Variants in ANGPTL1 observed in about 807,000 individuals in gnomAD.
The protein encoded by ANGPTL1 is angiopoietin-related protein 1.
A neutral mutation model predicts 46.7 loss-of-function variants in ANGPTL1; 36 were observed. The ratio of observed to expected loss-of-function variants is 0.77; its 90% CI spans 0.59 to 1.02. ANGPTL1 has a LOEUF of 1.02. ANGPTL1 is among the 50% of genes least tolerant of loss of function. The probability of loss-of-function intolerance (pLI) is 0.00; values close to 1 mark genes in which losing one functional copy is unlikely to be tolerated. For synonymous variants in ANGPTL1, 221 were observed against 204.3 expected, an observed-to-expected ratio of 1.08 and a Z score of -0.69; for missense variants, 571 against 594.7, an observed-to-expected ratio of 0.96 and a Z score of 0.41.
At position 178,868,010 on chromosome 1, in the gene ANGPTL1, CAA is replaced by C. The variant is rs539388889; in HGVS notation, c.-27+1102_-27+1103del. On this transcript the variant is annotated intron_variant, in intron 2 of 5. Coordinates refer to ENST00000234816, the MANE Select transcript of ANGPTL1 (RefSeq NM_004673.4). ...TGGAGAATTATTATTATTTTACTAA[CAA>C]GAGAGGGAATGAAAACAAAAGATAG... Among the ~76,000 whole-genome samples the C allele has an allele frequency of 1.9e-3, 295 of 152,000 alleles. 3 individuals are homozygous for C. The highest frequency in any genetic ancestry group is 4.4e-3 in the African/African-American group (184 of 41,508).
intron 3 of ANGPTL1, among the ~76,000 whole-genome samples, chr1:178,855,620 T>C (rs73039840): frequency 0.046 from 7,058 of 151,962 alleles, 561 homozygotes; most frequent in African/African-American, 0.16. Context: ...AGAGTTGCAA[T>C]TTGATTTTTT....
At chr1:178,863,640 A>C (rs960580830) in intron 3 of ANGPTL1, among the ~76,000 whole-genome samples, 7 of 152,202 alleles carry the variant, frequency 4.6e-5, no homozygotes, top group Non-Finnish European at 1.0e-4. Flanking sequence ...GCTTTGGTTA[A>C]ATCAGGAGGG....
In ANGPTL1 at chr1:178,865,773, T is replaced by G. The variant is rs755763170; in HGVS notation, c.4A>C (p.Lys2Gln). ...ACACCTAGGGTCCAGGTAAAAGTCT[T>G]CATTTTGAAATGAGGTTGTAAAATG... M[K>Q]TFTWTLGVLF... The change falls in exon 3 of 6, where the codon AAG becomes CAG. Residue 2 changes from lysine to glutamine, a missense_variant. Lys to Gln is a moderately conservative substitution (Grantham distance 53). Coordinates refer to ENST00000234816, the MANE Select transcript of ANGPTL1 (RefSeq NM_004673.4). 1.3e-6 allele frequency: 2 copies of G among 1,574,556 alleles called. No individual in the cohort carries two copies. Among genetic ancestry groups the G allele is most frequent in the Non-Finnish European group, 8.6e-7 (1 of 1,165,312 alleles).
rs1558160231 is a variant in ANGPTL1, at chr1:178,865,793, A to C, written c.-17T>G. ...AGTCTTCATTTTGAAATGAGGTTGTAAAATGATGTCTTTTGAAAAACAAAT... is the reference window on the plus strand; with the variant it reads ...AGTCTTCATTTTGAAATGAGGTTGTCAAATGATGTCTTTTGAAAAACAAAT... On this transcript the variant is annotated 5_prime_UTR_variant, in exon 3 of 6. Transcript: ENST00000234816. The C allele has an allele frequency of 1.9e-6, 3 of 1,540,130 alleles. No homozygotes were observed. The highest frequency in any genetic ancestry group is 1.7e-4 in the Middle Eastern group (1 of 5,756).
At position 178,852,732 on chromosome 1, in the gene ANGPTL1, A is replaced by G. The variant is rs775471958; in HGVS notation, c.1239T>C (p.His413=). 8.7e-6 allele frequency: 14 copies of G among 1,613,768 alleles called. No homozygotes were observed. In the African/African-American group the frequency reaches 1.7e-4, roughly 20 times the overall value. Residue 413 remains histidine, a synonymous_variant, in exon 5 of 6, where the codon CAT becomes CAC. Coordinates refer to ENST00000234816, the MANE Select transcript of ANGPTL1 (RefSeq NM_004673.4). ...QGNAGDSMMW[H]NGKQFTTLDR... ...CCAGTGTGGTGAATTGTTTACCATTATGCCACATCATAGAATCCCCTGCAT... is the reference window on the plus strand; with the variant it reads ...CCAGTGTGGTGAATTGTTTACCATTGTGCCACATCATAGAATCCCCTGCAT...
At chr1:178,863,387 C>CATATAT (rs3835496) in intron 3 of ANGPTL1, among the ~76,000 whole-genome samples, 1 of 151,854 alleles carries the variant, frequency 6.6e-6, no homozygotes, top group African/African-American at 2.4e-5. Flanking sequence ...AGGAGACAGA[C>CATATAT]ATAAATAAAT....
intron 1 of ANGPTL1, among the ~76,000 whole-genome samples, chr1:178,870,518 A>G (rs1276088669): frequency 6.6e-6 from 1 of 152,208 alleles, no homozygotes; most frequent in Non-Finnish European, 1.5e-5. Flanking sequence ...AATCATATAC[A>G]CTAAACATCA....
Position 178,851,217 on chromosome 1 carries a change from T to C in ANGPTL1, c.1388A>G (p.Lys463Arg). The C allele has an allele frequency of 5.0e-6, 8 of 1,614,058 alleles. No homozygotes were observed. The highest frequency in any genetic ancestry group is 1.1e-5 in the South Asian group (1 of 91,076). ...VWYRGGHYRS[K>R]HQDGIFWAEY... ...GGCCCAGAAAATTCCATCTTGGTGC[T>C]TGCTTCTGTAATGGCCTCCTCTGTA... is the stretch of plus-strand genomic sequence containing the variant. Residue 463 changes from lysine to arginine, a missense_variant, in exon 6 of 6, where the codon AAG (lysine) becomes AGG (arginine). Transcript: ENST00000234816.
chr1:178,867,686 T>C (rs1344104463), intron 2 of ANGPTL1, among the ~76,000 whole-genome samples: 1 of 151,994 alleles, frequency 6.6e-6, no homozygotes, highest in East Asian at 1.9e-4. Context: ...ATGGATAATT[T>C]TTGGTAGAAT....
chr1:178,853,032 T>G, intron 4 of ANGPTL1, 79 bp from the exon 5 acceptor site: 1 of 1,506,826 alleles, frequency 6.6e-7, no homozygotes, highest in Non-Finnish European at 8.8e-7. Context: ...TGTTAAACAT[T>G]CGATAGCATA....
chr1:178,865,146 C>T lies in ANGPTL1; in HGVS notation c.631G>A (p.Val211Met). Residue 211 changes from valine (V) to methionine (M), a missense_variant, in exon 3 of 6, where the codon GTG becomes ATG. Physicochemically the swap from Val to Met is conservative, Grantham distance 21 (BLOSUM62 1). Coordinates refer to ENST00000234816, the MANE Select transcript of ANGPTL1 (RefSeq NM_004673.4). The part of the protein sequence containing the change: ...LRIFSRQDTH[V>M]SPPLVQVVPQ... ...ACCACCTGGACAAGTGGGGGAGACA[C>T]ATGGGTGTCTTGTCGGGAAAATATC... is the stretch of plus-strand genomic sequence containing the variant. 6.2e-7 allele frequency: 1 copy of T among 1,600,996 alleles called. No individual in the cohort carries two copies. Among genetic ancestry groups the T allele is most frequent in the Non-Finnish European group, 8.5e-7 (1 of 1,171,846 alleles).
At chr1:178,855,788 T>A (rs959424400) in intron 3 of ANGPTL1, among the ~76,000 whole-genome samples, 1 of 151,838 alleles carries the variant, frequency 6.6e-6, no homozygotes, top group South Asian at 2.1e-4. Context: ...GATTTTGGAT[T>A]TTTTCAAAGG....
intron 3 of ANGPTL1, among the ~76,000 whole-genome samples, chr1:178,856,291 AG>A (rs1392520371): frequency 7.2e-6 from 1 of 139,302 alleles, no homozygotes; most frequent in Non-Finnish European, 1.5e-5. Context: ...GCAGTGGTGT[AG>A]TCATAGCTCA....
chr1:178,851,359 A>T, intron 5 of ANGPTL1, 43 bp from the exon 6 acceptor site: 4 of 1,564,028 alleles, frequency 2.6e-6, no homozygotes, highest in Non-Finnish European at 3.5e-6. Context: ...AGTTTCTTCT[A>T]GGTGTGGTAC....
intron 3 of ANGPTL1, among the ~76,000 whole-genome samples, chr1:178,859,759 G>A (rs1193529972): frequency 1.2e-3 from 126 of 104,914 alleles, no homozygotes; most frequent in East Asian, 1.6e-3. Flanking sequence ...GTGCAGTGTC[G>A]CGATCTCGGC....
chr1:178,855,807 ATCTTT>A (rs1657495377), intron 3 of ANGPTL1, among the ~76,000 whole-genome samples: 1 of 151,644 alleles, frequency 6.6e-6, no homozygotes, highest in Non-Finnish European at 1.5e-5. Flanking sequence ...GGCTTTTAAA[ATCTTT>A]TCTTTTTTAA....
chr1:178,863,273 C>G (rs1399734543), intron 3 of ANGPTL1, among the ~76,000 whole-genome samples: 1 of 152,008 alleles, frequency 6.6e-6, no homozygotes, highest in Non-Finnish European at 1.5e-5. Flanking sequence ...CAAAGATGAG[C>G]CAAGCTTATT....
intron 3 of ANGPTL1, among the ~76,000 whole-genome samples, chr1:178,857,175 A>G (rs1365594998): frequency 6.6e-6 from 1 of 152,186 alleles, no homozygotes; most frequent in African/African-American, 2.4e-5. Context: ...TCATACTTAG[A>G]TTATTGCGTG....
rs1254756580 is a variant in ANGPTL1, at chr1:178,865,562, T to C, written c.215A>G (p.Asp72Gly). ...GATCATGTCTTTAATGGTACTTGCATCTTGCCCCTTGGTGTTGACACAGAT... is the reference window on the plus strand; with the variant it reads ...GATCATGTCTTTAATGGTACTTGCACCTTGCCCCTTGGTGTTGACACAGAT... ...GPICVNTKGQ[D>G]ASTIKDMITR... Residue 72 changes from aspartate to glycine, a missense_variant, in exon 3 of 6, where the codon GAT becomes GGT. Asp to Gly is a moderately conservative substitution (Grantham distance 94). Transcript: ENST00000234816. The C allele has an allele frequency of 6.2e-7, 1 of 1,614,152 alleles. No homozygotes were observed. The highest frequency in any genetic ancestry group is 1.1e-5 in the South Asian group (1 of 91,080).
Sources: allele counts gnomAD v4.1 joint callset (sites outside exome capture counted in the v4.1 genomes callset), GRCh38; gene constraint gnomAD v4.1.1; transcripts MANE v1.5; gene names NCBI Gene and HGNC (gene_info 2026-07-23, HGNC 2026-07-21).